RLN2: variants seen among roughly 807,000 people sequenced by gnomAD.
RLN2 encodes the protein prorelaxin H2.
A neutral mutation model predicts 7.3 loss-of-function variants in RLN2; 10 were observed. The ratio of observed to expected loss-of-function variants is 1.36; its 90% CI spans 0.84 to 2.31. RLN2 has a LOEUF of 2.31. RLN2 is among the 30% of genes most tolerant of loss of function. The pLI is 0.00. For synonymous variants in RLN2, 103 were observed against 82.3 expected, an observed-to-expected ratio of 1.25 and a Z score of -1.36; for missense variants, 298 against 217.6, an observed-to-expected ratio of 1.37 and a Z score of -2.32.
the RLN2 span, among the ~76,000 whole-genome samples, chr9:5,312,300 T>C: frequency 6.6e-6 from 1 of 152,074 alleles, no homozygotes; most frequent in African/African-American, 2.4e-5. Flanking sequence ...AGCCTAGACA[T>C]CTATTGGGAC....
upstream of RLN2, among the ~76,000 whole-genome samples, chr9:5,307,331 A>G (rs930052716): frequency 3.1e-4 from 47 of 151,662 alleles, no homozygotes; most frequent in African/African-American, 9.9e-4. Flanking sequence ...TAGTGTGTGT[A>G]TATATATATA....
At chr9:5,324,283 C>A in the RLN2 span, among the ~76,000 whole-genome samples, 1 of 151,924 alleles carries the variant, frequency 6.6e-6, no homozygotes, top group African/African-American at 2.4e-5. Flanking sequence ...AGGAAAATTA[C>A]GCATAATCCC....
chr9:5,307,652 G>A (rs1816278934), upstream of RLN2, among the ~76,000 whole-genome samples: 1 of 151,992 alleles, frequency 6.6e-6, no homozygotes, highest in Non-Finnish European at 1.5e-5. Context: ...GTGCATCTTT[G>A]TCTTGTCCAA....
At chr9:5,337,483 T>A in the RLN2 span, among the ~76,000 whole-genome samples, 2 of 152,066 alleles carry the variant, frequency 1.3e-5, no homozygotes, top group Non-Finnish European at 2.9e-5. Flanking sequence ...CAAATCTTAC[T>A]GAAATAGATC....
chr9:5,335,663 GTGAA>G, the RLN2 span: 1 of 966,066 alleles, frequency 1.0e-6, no homozygotes, highest in Non-Finnish European at 1.6e-6. Context: ...CAGAAAAACT[GTGAA>G]TGTTTGCATA....
At chr9:5,335,192 T>G in the RLN2 span, 1 of 1,012,276 alleles carries the variant, frequency 9.9e-7, no homozygotes, top group Non-Finnish European at 1.4e-6. Context: ...GAAGCATCAG[T>G]GAAATGTCAT....
At chr9:5,310,289 A>G in the RLN2 span, among the ~76,000 whole-genome samples, 6 of 152,056 alleles carry the variant, frequency 3.9e-5, no homozygotes, top group South Asian at 1.2e-3. Flanking sequence ...CACTCTAGAA[A>G]GAGAACAAAA....
At chr9:5,321,995 G>A in the RLN2 span, among the ~76,000 whole-genome samples, 3 of 152,012 alleles carry the variant, frequency 2.0e-5, no homozygotes, top group African/African-American at 7.3e-5. Flanking sequence ...GGAAGGTATA[G>A]AATTTGAAGG....
chr9:5,319,197 A>G, the RLN2 span, among the ~76,000 whole-genome samples: 1 of 151,992 alleles, frequency 6.6e-6, no homozygotes. Context: ...TTTCAAAGGC[A>G]AAATGATCTA....
upstream of RLN2, among the ~76,000 whole-genome samples, chr9:5,305,361 A>C (rs1311411321): frequency 2.6e-5 from 1 of 39,066 alleles, no homozygotes; most frequent in African/African-American, 9.7e-5. Flanking sequence ...AGAACATACC[A>C]CACACACACA....
At chr9:5,327,054 G>T in the RLN2 span, among the ~76,000 whole-genome samples, 1 of 152,170 alleles carries the variant, frequency 6.6e-6, no homozygotes, top group South Asian at 2.1e-4. Flanking sequence ...TGAACAGTGG[G>T]GGCAGCCCAC....
chr9:5,330,243 T>C, the RLN2 span, among the ~76,000 whole-genome samples: 1 of 152,148 alleles, frequency 6.6e-6, no homozygotes, highest in South Asian at 2.1e-4. Context: ...CCAGAATCTC[T>C]GGGACATTTT....
chr9:5,331,666 G>C, the RLN2 span, among the ~76,000 whole-genome samples: 598 of 151,450 alleles, frequency 3.9e-3, 6 homozygotes, highest in African/African-American at 0.013. Context: ...GGGGCATCTA[G>C]GGGGGTGGGG....
chr9:5,325,776 G>A, the RLN2 span, among the ~76,000 whole-genome samples: 1 of 152,012 alleles, frequency 6.6e-6, no homozygotes. Context: ...TTATGTTCTA[G>A]GTGAAGACAA....
At chr9:5,322,720 A>C in the RLN2 span, among the ~76,000 whole-genome samples, 1 of 152,008 alleles carries the variant, frequency 6.6e-6, no homozygotes, top group Admixed American at 6.6e-5. Flanking sequence ...GGATCCTCTC[A>C]CTGGAGATGT....
the RLN2 span, among the ~76,000 whole-genome samples, chr9:5,323,760 C>T: frequency 2.6e-5 from 4 of 151,834 alleles, no homozygotes; most frequent in Non-Finnish European, 5.9e-5. Context: ...AATTAAAATA[C>T]ACAGGCCAGG....
the RLN2 span, among the ~76,000 whole-genome samples, chr9:5,333,562 G>A: frequency 1.3e-5 from 2 of 151,880 alleles, no homozygotes; most frequent in African/African-American, 4.8e-5. Context: ...AGGTCCTGAT[G>A]GATTTACAGC....
chr9:5,304,583 T>C lies in RLN2; in HGVS notation c.-3A>G. On this transcript the variant is annotated 5_prime_UTR_variant, in exon 1 of 2. Transcript: ENST00000381627. ...TGGAAAAAAAACAGGCGAGGCATCCTGGGCCTGGTCTCTCCTGGAGGTCGG... is the reference window on the plus strand; with the variant it reads ...TGGAAAAAAAACAGGCGAGGCATCCCGGGCCTGGTCTCTCCTGGAGGTCGG... 1 of 1,613,566 alleles carries C rather than the reference T, an allele frequency of 6.2e-7. No homozygotes were observed. The highest frequency in any genetic ancestry group is 8.5e-7 in the Non-Finnish European group (1 of 1,179,672).
the RLN2 span, among the ~76,000 whole-genome samples, chr9:5,329,309 C>CAAAAAAAAAAA: frequency 3.8e-5 from 2 of 53,276 alleles, no homozygotes; most frequent in African/African-American, 7.5e-5. Context: ...GACTCCATCT[C>CAAAAAAAAAAA]AAAAAAAAAA....
Sources: allele counts gnomAD v4.1 joint callset (sites outside exome capture counted in the v4.1 genomes callset), GRCh38; gene constraint gnomAD v4.1.1; transcripts MANE v1.5; gene names NCBI Gene and HGNC (gene_info 2026-07-23, HGNC 2026-07-21).